ABCB5: variants seen among roughly 807,000 people sequenced by gnomAD.
ABCB5 encodes ATP binding cassette subfamily B member 5.
Under a neutral mutation model 144.2 loss-of-function variants are expected in ABCB5, and 155 were observed. The observed-to-expected ratio is 1.08, with a 90% CI of 0.94 to 1.23. ABCB5 has a LOEUF of 1.23. ABCB5 is among the 50% of genes most tolerant of loss of function. ABCB5 has a pLI of 0.00. For missense variants in ABCB5, 1,830 were observed against 1,520.8 expected, an observed-to-expected ratio of 1.20 and a Z score of -3.38; for synonymous variants, 610 against 528.6, an observed-to-expected ratio of 1.15 and a Z score of -2.11.
At position 20,651,538 on chromosome 7, in the gene ABCB5, A is replaced by G; in HGVS notation, c.1451A>G (p.Tyr484Cys). 6.2e-7 allele frequency: 1 copy of G among 1,614,134 alleles called. No homozygotes were observed. Among genetic ancestry groups the G allele is most frequent in the East Asian group, 2.2e-5 (1 of 44,890 alleles). ...ACCACCATCAGTAACAATATCAAGT[A>G]TGGACGAGATGATGTGACTGATGAA... ...FGTTISNNIK[Y>C]GRDDVTDEEM... Residue 484 changes from tyrosine (Y) to cysteine (C), a missense_variant, in exon 13 of 28, where the codon TAT becomes TGT. Tyr to Cys is a radical substitution (Grantham distance 194, BLOSUM62 -2). Coordinates refer to ENST00000404938, the MANE Select transcript of ABCB5 (RefSeq NM_001163941.2).
chr7:20,617,996 T>C (rs1783723394), intron 1 of ABCB5, among the ~76,000 whole-genome samples: 1 of 152,238 alleles, frequency 6.6e-6, no homozygotes, highest in Non-Finnish European at 1.5e-5. Flanking sequence ...TAAAAACTTC[T>C]GTAATAATGG....
At chr7:20,709,650 A>G (rs1405346991) in intron 20 of ABCB5, among the ~76,000 whole-genome samples, 1 of 150,072 alleles carries the variant, frequency 6.7e-6, no homozygotes, top group Non-Finnish European at 1.5e-5. Context: ...CTCAAATTCT[A>G]ACCACGTCAC....
At chr7:20,706,563 T>G (rs1786831203) in intron 20 of ABCB5, among the ~76,000 whole-genome samples, 1 of 152,242 alleles carries the variant, frequency 6.6e-6, no homozygotes, top group East Asian at 1.9e-4. Flanking sequence ...TTTCATCACT[T>G]GAAACTTCAT....
chr7:20,643,346 C>G lies in ABCB5; in HGVS notation c.477C>G (p.Asp159Glu). 2.5e-6 allele frequency: 4 copies of G among 1,613,946 alleles called. No individual in the cohort carries two copies. The highest frequency in any genetic ancestry group is 3.4e-6 in the Non-Finnish European group (4 of 1,179,892). ...AQDIGWFDSC[D>E]IGELNTRMTD... ...ACATCGGCTGGTTTGATAGCTGTGA[C>G]ATCGGTGAACTTAACACTCGCATGA... The change falls in exon 6 of 28, where the codon GAC becomes GAG. Residue 159 changes from aspartate (D) to glutamate (E), a missense_variant. Coordinates refer to ENST00000404938, the MANE Select transcript of ABCB5 (RefSeq NM_001163941.2).
At chr7:20,701,020 A>T (rs1196280905) in intron 19 of ABCB5, among the ~76,000 whole-genome samples, 4 of 152,160 alleles carry the variant, frequency 2.6e-5, no homozygotes, top group Non-Finnish European at 5.9e-5. Context: ...AAGATACAAA[A>T]CGGAAAGAAG....
chr7:20,685,599 T>C (rs546400472), intron 15 of ABCB5, 97 bp from the exon 16 acceptor site: 14 of 1,131,510 alleles, frequency 1.2e-5, no homozygotes, highest in African/African-American at 1.6e-5. Flanking sequence ...CCACTTTCAA[T>C]AGCAAAGGCG....
intron 12 of ABCB5, among the ~76,000 whole-genome samples, chr7:20,650,973 G>T (rs932522823): frequency 5.3e-5 from 8 of 152,186 alleles, no homozygotes; most frequent in Admixed American, 4.6e-4. Context: ...GAAGCCAGAG[G>T]TCACTTATTA....
chr7:20,715,193 G>A (rs1306271628), intron 20 of ABCB5, among the ~76,000 whole-genome samples: 1 of 151,904 alleles, frequency 6.6e-6, no homozygotes, highest in Non-Finnish European at 1.5e-5. Context: ...ACAGGTGCCT[G>A]CCATCATGCC....
intron 7 of ABCB5, 34 bp downstream of exon 7, chr7:20,643,666 A>G: frequency 1.9e-6 from 3 of 1,609,492 alleles, no homozygotes; most frequent in Non-Finnish European, 2.5e-6. Context: ...ATTGAATGGA[A>G]GCAGCAGTGT....
chr7:20,754,903 C>G (rs1386868249), intron 27 of ABCB5, among the ~76,000 whole-genome samples: 10 of 152,084 alleles, frequency 6.6e-5, no homozygotes, highest in African/African-American at 2.2e-4. Flanking sequence ...TTCATTCTCA[C>G]AAATGCTTTT....
intron 24 of ABCB5, among the ~76,000 whole-genome samples, chr7:20,740,075 A>T (rs1315545711): frequency 6.6e-6 from 1 of 151,984 alleles, no homozygotes; most frequent in East Asian, 1.9e-4. Flanking sequence ...ACTAAAAATA[A>T]AAAAATTAAA....
At chr7:20,634,931 G>A (rs1255947832) in intron 5 of ABCB5, among the ~76,000 whole-genome samples, 3 of 151,796 alleles carry the variant, frequency 2.0e-5, no homozygotes, top group African/African-American at 7.3e-5. Flanking sequence ...TCTATTTTCG[G>A]TTTTGTTGCA....
rs540164819 is a variant in ABCB5 at position 20,677,321 on chromosome 7, C to A, written c.1708-4184C>A. 3.3e-5 allele frequency among the ~76,000 whole-genome samples: 5 copies of A among 152,234 alleles called. No individual in the cohort carries two copies. In the East Asian group the frequency reaches 9.6e-4, roughly 29 times the overall value. On this transcript the variant is annotated intron_variant, in intron 14 of 27. Transcript: ENST00000404938. ...TGTCCATTCTACCTACTTTTTGTGA[C>A]AGGAAATGGGGATTAAGGATACAGA...
chr7:20,661,110 T>C (rs1784988209), intron 14 of ABCB5, among the ~76,000 whole-genome samples: 1 of 152,216 alleles, frequency 6.6e-6, no homozygotes, highest in South Asian at 2.1e-4. Context: ...GCTATTCAAA[T>C]GAAAATTTGG....
At chr7:20,736,289 C>G (rs2128053597) in intron 23 of ABCB5, among the ~76,000 whole-genome samples, 1 of 152,264 alleles carries the variant, frequency 6.6e-6, no homozygotes, top group African/African-American at 2.4e-5. Context: ...GTGATCTCAG[C>G]TCACTGCAAC....
In ABCB5 at chr7:20,755,600, A is replaced by G. The variant is rs1329194689; in HGVS notation, c.3750A>G (p.Leu1250=). The G allele has an allele frequency of 1.9e-6, 3 of 1,614,064 alleles. No individual in the cohort carries two copies. In the East Asian group the frequency reaches 6.7e-5, roughly 36 times the overall value. The change falls in exon 28 of 28, where the codon TTA becomes TTG. Residue 1250 remains leucine (L), a synonymous_variant. Coordinates refer to ENST00000404938, the MANE Select transcript of ABCB5 (RefSeq NM_001163941.2). ...LLRNRDIYFK[L]VNAQSVQ ...GAAATCGAGACATATATTTTAAGTT[A>G]GTGAATGCACAGTCAGTGCAGTGAT...
intron 13 of ABCB5, among the ~76,000 whole-genome samples, chr7:20,652,277 G>A (rs1005400355): frequency 6.6e-6 from 1 of 152,164 alleles, no homozygotes; most frequent in Non-Finnish European, 1.5e-5. Flanking sequence ...CATAAGAAAT[G>A]TGAAATCAGG....
intron 13 of ABCB5, among the ~76,000 whole-genome samples, chr7:20,652,672 T>TA (rs1257520174): frequency 6.6e-6 from 1 of 152,254 alleles, no homozygotes; most frequent in Non-Finnish European, 1.5e-5. Flanking sequence ...TAACCAGACT[T>TA]ACGAGATCTT....
intron 7 of ABCB5, among the ~76,000 whole-genome samples, 199 bp downstream of exon 7, chr7:20,643,831 G>C (rs1784347434): frequency 6.6e-6 from 1 of 152,210 alleles, no homozygotes; most frequent in Admixed American, 6.5e-5. Flanking sequence ...AAGATGAAAT[G>C]TTTTTAATAG....
Sources: gnomAD v4.1 joint callset for allele counts (sites outside exome capture counted in the v4.1 genomes callset) on GRCh38, gnomAD v4.1.1 for gene constraint, MANE v1.5 for transcripts, NCBI Gene and HGNC (gene_info 2026-07-23, HGNC 2026-07-21) for gene names.